The following APBA2 variants were observed in gnomAD, a reference collection of about 807,000 sequenced individuals.
The protein encoded by APBA2 is amyloid beta precursor protein binding family A member 2.
Under a neutral mutation model 75.0 loss-of-function variants are expected in APBA2, and 30 were observed. The ratio of observed to expected loss-of-function variants is 0.40; its 90% confidence interval spans 0.30 to 0.54. The LOEUF (loss-of-function observed/expected upper bound fraction) is 0.54. Ranked by LOEUF, APBA2 falls within the 20% of genes least tolerant of loss-of-function variation. The probability of loss-of-function intolerance (pLI) is 0.49; values close to 1 mark genes in which losing one functional copy is unlikely to be tolerated. For synonymous variants in APBA2, 444 were observed against 409.6 expected (o/e 1.08, Z -1.01); for missense variants, 801 against 1,016.1 (o/e 0.79, Z 2.88).
In APBA2 at chr15:29,065,927, G is replaced by A. The variant is rs571930142; in HGVS notation, c.952-8994G>A. ...CCAGACTGTGCAGGTTCGGGAGCCCGAGGTGGACTTCAGGTAGGGAGACGC... is the reference window on the plus strand; with the variant it reads ...CCAGACTGTGCAGGTTCGGGAGCCCAAGGTGGACTTCAGGTAGGGAGACGC... On this transcript the variant is annotated intron_variant, in intron 4 of 14. Coordinates refer to ENST00000683413, the MANE Select transcript of APBA2 (RefSeq NM_001353788.2). Among the ~76,000 whole-genome samples, 15 of 152,316 alleles carry A rather than the reference G, an allele frequency of 9.8e-5. No individual in the cohort carries two copies. The East Asian group carries it at 1.5e-3, about 16-fold the overall frequency.
At chr15:28,892,832 G>A (rs932730203) in intron 1 of APBA2, among the ~76,000 whole-genome samples, 1 of 152,118 alleles carries the variant, frequency 6.6e-6, no homozygotes, top group Non-Finnish European at 1.5e-5. Context: ...GTTTCCCACC[G>A]TTGGTTTAAT....
chr15:29,042,372 AAG>A (rs1229516518), intron 3 of APBA2, among the ~76,000 whole-genome samples: 3 of 152,000 alleles, frequency 2.0e-5, no homozygotes, highest in Admixed American at 2.0e-4. Context: ...TCCCGAGTTT[AAG>A]AGAGTCTCCT....
intron 2 of APBA2, among the ~76,000 whole-genome samples, chr15:28,958,055 C>G (rs906603561): frequency 1.3e-5 from 2 of 152,218 alleles, no homozygotes; most frequent in South Asian, 4.1e-4. Context: ...AGCACTTGCA[C>G]TGCCCAGTAG....
At chr15:29,105,682 G>A (rs1197993090) in intron 11 of APBA2, 124 bp downstream of exon 11, 3 of 1,028,436 alleles carry the variant, frequency 2.9e-6, no homozygotes, top group African/African-American at 3.2e-5. Context: ...ACTCCAGTGG[G>A]GCCCGGAATG....
chr15:29,009,354 CTG>C (rs2039288104), intron 3 of APBA2, among the ~76,000 whole-genome samples: 1 of 152,178 alleles, frequency 6.6e-6, no homozygotes, highest in South Asian at 2.1e-4. Flanking sequence ...TTTTTGAAGT[CTG>C]TTTTGAATTG....
At chr15:29,053,760 G>A (rs1005325942) in intron 3 of APBA2, 85 bp from the exon 4 acceptor site, 21 of 796,452 alleles carry the variant, frequency 2.6e-5, no homozygotes, top group Non-Finnish European at 3.8e-5. Context: ...AGGACGTGGT[G>A]GGAGGTGCTG....
At chr15:29,019,780 C>T (rs956361268) in intron 3 of APBA2, among the ~76,000 whole-genome samples, 1 of 152,186 alleles carries the variant, frequency 6.6e-6, no homozygotes, top group African/African-American at 2.4e-5. Context: ...TAGGTTGTTT[C>T]CTAATGTTTG....
intron 2 of APBA2, among the ~76,000 whole-genome samples, chr15:28,978,815 T>G (rs1190134556): frequency 6.6e-6 from 1 of 152,206 alleles, no homozygotes; most frequent in African/African-American, 2.4e-5. Context: ...AGCAGACAGT[T>G]GAAAGGATTC....
intron 3 of APBA2, among the ~76,000 whole-genome samples, chr15:28,996,421 C>T (rs908252528): frequency 6.6e-6 from 1 of 152,198 alleles, no homozygotes; most frequent in African/African-American, 2.4e-5. Flanking sequence ...CCTGAAGACA[C>T]TGCCCCATGG....
intron 2 of APBA2, among the ~76,000 whole-genome samples, chr15:28,981,924 A>G (rs1157657459): frequency 6.6e-6 from 1 of 152,246 alleles, no homozygotes; most frequent in Non-Finnish European, 1.5e-5. Context: ...CGAATACCAC[A>G]TGTTCTCACT....
intron 6 of APBA2, among the ~76,000 whole-genome samples, chr15:29,080,669 G>A (rs750801312): frequency 3.3e-5 from 5 of 152,196 alleles, no homozygotes; most frequent in Non-Finnish European, 7.3e-5. Context: ...CCTACAGGAC[G>A]TGGTGTCTGG....
chr15:29,116,383 T>A (rs2045139978), intron 14 of APBA2, among the ~76,000 whole-genome samples: 1 of 151,916 alleles, frequency 6.6e-6, no homozygotes, highest in African/African-American at 2.4e-5. Flanking sequence ...TCCCAGCACT[T>A]TGGGAGGCCG....
intron 4 of APBA2, among the ~76,000 whole-genome samples, chr15:29,059,212 GAT>G (rs1018549850): frequency 3.3e-5 from 5 of 150,950 alleles, no homozygotes; most frequent in African/African-American, 7.4e-5. Flanking sequence ...CATTTTTGTT[GAT>G]ATGTGTGTGT....
At chr15:28,900,515 G>C (rs140935607) in intron 1 of APBA2, among the ~76,000 whole-genome samples, 3,051 of 152,298 alleles carry the variant, frequency 0.02, 113 homozygotes, top group African/African-American at 0.069. Flanking sequence ...TCCAGCCAAG[G>C]GGGCTGTCCC....
At chr15:29,096,485 A>C (rs2043856599) in intron 8 of APBA2, among the ~76,000 whole-genome samples, 1 of 152,244 alleles carries the variant, frequency 6.6e-6, no homozygotes, top group Non-Finnish European at 1.5e-5. Context: ...ACAACCCATG[A>C]ATATAACCTT....
Position 29,117,116 on chromosome 15 carries a change from A to G in APBA2, c.2233A>G (p.Thr745Ala). The change falls in exon 15 of 15, where the codon ACC (threonine) becomes GCC (alanine). Residue 745 changes from threonine to alanine, a missense_variant. By Grantham distance (58) the Thr-to-Ala change is moderately conservative (BLOSUM62 0). Transcript: ENST00000683413. ...GTTCAGGCTCCTCACGGGTCAGGAG[A>G]CCCCGCTGTACATCTAGGCCACCCC... ...AMFRLLTGQE[T>A]PLYI The G allele has an allele frequency of 1.9e-6, 3 of 1,612,702 alleles. No individual in the cohort carries two copies. Among genetic ancestry groups the G allele is most frequent in the Non-Finnish European group, 2.5e-6 (3 of 1,179,882 alleles).
At chr15:28,901,908 A>ATGTGTGTG (rs766260051) in intron 1 of APBA2, among the ~76,000 whole-genome samples, 1,392 of 67,392 alleles carry the variant, frequency 0.021, 123 homozygotes, top group African/African-American at 0.083. Context: ...GGAGCTTTTG[A>ATGTGTGTG]TGTGTGTGTG....
At position 29,098,433 on chromosome 15, in the gene APBA2, A is replaced by G. The variant is rs958823813; in HGVS notation, c.1252-57A>G. ...AGCATTTTGTCATAATGCTATTTGC[A>G]TGTCCTCTATTCCGAGTTGGTTTTT... On this transcript the variant is annotated intron_variant, in intron 8 of 14. Transcript: ENST00000683413. The G allele has an allele frequency of 3.9e-5, 47 of 1,208,370 alleles. 2 individuals carry two copies. The South Asian group carries it at 5.3e-4, about 14-fold the overall frequency. The allele number at this position is 1,208,370 out of a possible 1,614,324, so 74.9% of individuals were successfully genotyped here. A position where few individuals can be genotyped will look rare whatever the true frequency, so the allele number is the denominator to read the frequency against.
At chr15:28,915,284 C>T (rs2033635756) in intron 1 of APBA2, among the ~76,000 whole-genome samples, 5 of 74,492 alleles carry the variant, frequency 6.7e-5, no homozygotes, top group South Asian at 9.1e-4. Flanking sequence ...CCACACACCA[C>T]ACACATACCC....
Sources: allele counts gnomAD v4.1 joint callset (sites outside exome capture counted in the v4.1 genomes callset), GRCh38; gene constraint gnomAD v4.1.1; transcripts MANE v1.5; gene names NCBI Gene and HGNC (gene_info 2026-07-23, HGNC 2026-07-21).